RUFY4: variants seen among roughly 807,000 people sequenced by gnomAD.
RUFY4 encodes RUN and FYVE domain-containing protein 4.
A neutral mutation model predicts 69.0 loss-of-function variants in RUFY4; 73 were observed. That is an observed-to-expected ratio of 1.06 (90% confidence interval 0.88 to 1.29). The LOEUF (loss-of-function observed/expected upper bound fraction) is 1.29, where lower values mean the gene tolerates loss of function less well. Among genes scored for constraint, RUFY4 ranks in the 50% most tolerant of loss-of-function variants. The pLI is 0.00. For synonymous variants in RUFY4, 287 were observed against 271.8 expected, an observed-to-expected ratio of 1.06 and a Z score of -0.55; for missense variants, 770 against 705.6, an observed-to-expected ratio of 1.09 and a Z score of -1.03.
intron 3 of RUFY4, chr2:218,060,506 G>A: frequency 7.6e-7 from 1 of 1,313,164 alleles, no homozygotes; most frequent in Non-Finnish European, 1.1e-6. Context: ...AGGTAGCTGT[G>A]AAGGATGCCC....
At chr2:218,068,170 G>A (rs1285713855), upstream of RUFY4, among the ~76,000 whole-genome samples, 7 of 112,846 alleles carry the variant, frequency 6.2e-5, no homozygotes, top group African/African-American at 9.4e-5. Context: ...ATGGCAGGGG[G>A]TTAGAGGAGG....
In RUFY4 at chr2:218,073,866, A is replaced by T. The variant is rs540132810; in HGVS notation, c.581A>T (p.Asn194Ile). The change falls in exon 6 of 11, where the codon AAC becomes ATC. Residue 194 changes from asparagine (N) to isoleucine (I), a missense_variant. By Grantham distance (149) the Asn-to-Ile change is moderately radical (BLOSUM62 -3). Transcript: ENST00000344321. Reference sequence around the variant, plus strand: ...ACCCAGGGAAGGAGACCCAGAAAAAACAAAGATGCCCCAAAGAAGGTGCCT... The same window carrying T: ...ACCCAGGGAAGGAGACCCAGAAAAATCAAAGATGCCCCAAAGAAGGTGCCT... The T allele has an allele frequency of 5.6e-4, 908 of 1,613,894 alleles. 9 individuals carry two copies. In the South Asian group the frequency reaches 9.6e-3, roughly 17 times the overall value.
chr2:218,067,851 A>G (rs977437613), upstream of RUFY4, among the ~76,000 whole-genome samples: 4 of 152,022 alleles, frequency 2.6e-5, no homozygotes, highest in African/African-American at 9.7e-5. Context: ...CCCAACAGGC[A>G]CCCCCTCATC....
At chr2:218,076,120 T>C (rs552492351) in intron 7 of RUFY4, among the ~76,000 whole-genome samples, 41 of 152,302 alleles carry the variant, frequency 2.7e-4, no homozygotes, top group African/African-American at 9.9e-4. Flanking sequence ...ACCTAGTTGC[T>C]CCTGTGGTGG....
At chr2:218,047,193 G>C (rs1401939730) in intron 2 of RUFY4, among the ~76,000 whole-genome samples, 1 of 151,972 alleles carries the variant, frequency 6.6e-6, no homozygotes, top group Non-Finnish European at 1.5e-5. Context: ...TTATTTAACA[G>C]ATAAGGAAAA....
chr2:218,049,683 T>A (rs1159215759), intron 2 of RUFY4, among the ~76,000 whole-genome samples: 5 of 152,148 alleles, frequency 3.3e-5, no homozygotes, highest in Non-Finnish European at 7.4e-5. Context: ...ATTTTTTGTA[T>A]TTTTAGTAGT....
chr2:218,037,407 A>G (rs2106023991), intron 2 of RUFY4, among the ~76,000 whole-genome samples: 1 of 152,274 alleles, frequency 6.6e-6, no homozygotes, highest in South Asian at 2.1e-4. Context: ...CCGAAACATA[A>G]TTTTTCTCTC....
intron 4 of RUFY4, 67 bp downstream of exon 6, chr2:218,072,952 C>T: frequency 8.0e-7 from 1 of 1,243,156 alleles, no homozygotes. Context: ...GTAAAAGAGC[C>T]CTCCTTTAAC....
At chr2:218,071,785 G>A (rs1345510380) in intron 2 of RUFY4, among the ~76,000 whole-genome samples, 2 of 152,154 alleles carry the variant, frequency 1.3e-5, no homozygotes, top group Admixed American at 6.5e-5. Context: ...CGGGCCCCGG[G>A]ACCCATCGGG....
intron 2 of RUFY4, among the ~76,000 whole-genome samples, chr2:218,040,528 G>T (rs1959046651): frequency 1.3e-5 from 2 of 152,086 alleles, no homozygotes; most frequent in African/African-American, 4.8e-5. Context: ...GGGACCTGAG[G>T]ATTTCTGATA....
chr2:218,073,029 A>G, intron 4 of RUFY4, 144 bp downstream of exon 6: 1 of 946,826 alleles, frequency 1.1e-6, no homozygotes, highest in Non-Finnish European at 1.5e-6. Context: ...CAAGGGAGAA[A>G]GGGCAGAGGG....
chr2:218,072,327 C>T (rs766624723), intron 2 of RUFY4, 47 bp from the exon 5 acceptor site: 194 of 1,531,470 alleles, frequency 1.3e-4, no homozygotes, highest in African/African-American at 2.1e-4. Flanking sequence ...AGGGCGTGTT[C>T]TGGGAGGAAG....
At chr2:218,067,776 G>A (rs551104192), upstream of RUFY4, among the ~76,000 whole-genome samples, 24 of 152,192 alleles carry the variant, frequency 1.6e-4, no homozygotes, top group African/African-American at 5.3e-4. Flanking sequence ...CACCTCCACT[G>A]CCCCTGGCAC....
At chr2:218,057,781 A>G (rs772060969) in intron 2 of RUFY4, among the ~76,000 whole-genome samples, 12 of 152,240 alleles carry the variant, frequency 7.9e-5, no homozygotes, top group Non-Finnish European at 1.8e-4. Context: ...AAATGGAATC[A>G]TATAATATGT....
intron 2 of RUFY4, among the ~76,000 whole-genome samples, chr2:218,045,737 T>C (rs1688810866): frequency 6.6e-6 from 1 of 152,146 alleles, no homozygotes; most frequent in Non-Finnish European, 1.5e-5. Context: ...TACCAGTCTT[T>C]TTTCTCCTTC....
chr2:218,076,424 C>G lies in RUFY4; in HGVS notation c.1249-3C>G. 1 of 1,549,574 alleles carries G rather than the reference C, an allele frequency of 6.5e-7. No homozygotes were observed. Among genetic ancestry groups the G allele is most frequent in the Non-Finnish European group, 8.7e-7 (1 of 1,146,284 alleles). ...CTCCTTCTCCCCTCCTTCCACCCCA[C>G]AGAGCCTCAGACTTGGGCTCCGGAA... On this transcript the variant is annotated splice_polypyrimidine_tract_variant and splice_region_variant and intron_variant, in intron 7 of 10. Transcript: ENST00000344321.
In RUFY4 at chr2:218,089,368, G is replaced by T; in HGVS notation, c.1613+6G>T. 6.2e-7 allele frequency: 1 copy of T among 1,612,566 alleles called. No homozygotes were observed. Among genetic ancestry groups the T allele is most frequent in the Non-Finnish European group, 8.5e-7 (1 of 1,178,966 alleles). On this transcript the variant is annotated splice_donor_region_variant and intron_variant, in intron 10 of 10. Transcript: ENST00000344321. The stretch of plus-strand genomic sequence containing the variant: ...TCTCGGCGGTATCCATGCAGGTAAA[G>T]GGAAGGGCACAGAATCCTCCCTCTG...
upstream of RUFY4, among the ~76,000 whole-genome samples, chr2:218,065,129 G>A (rs912017143): frequency 9.9e-5 from 15 of 152,158 alleles, no homozygotes; most frequent in African/African-American, 3.1e-4. Context: ...CATTTTCAAC[G>A]TCCTCCCACT....
intron 9 of RUFY4, 100 bp downstream of exon 11, chr2:218,083,356 CAG>C: frequency 1.4e-6 from 2 of 1,453,214 alleles, no homozygotes; most frequent in Non-Finnish European, 1.9e-6. Flanking sequence ...AACTCCCAAG[CAG>C]GGTTCTAGAC....
Sources: allele counts gnomAD v4.1 joint callset (sites outside exome capture counted in the v4.1 genomes callset), GRCh38; gene constraint gnomAD v4.1.1; transcripts MANE v1.5; gene names NCBI Gene and HGNC (gene_info 2026-07-23, HGNC 2026-07-21).